Variants in EPHA3 observed in about 807,000 individuals in gnomAD.
The protein encoded by EPHA3 is ephrin type-A receptor 3.
Under a neutral mutation model 107.1 loss-of-function variants are expected in EPHA3, and 42 were observed. The ratio of observed to expected loss-of-function variants is 0.39; its 90% CI spans 0.31 to 0.51. The LOEUF is 0.51. Ranked by LOEUF, EPHA3 falls within the 20% of genes least tolerant of loss-of-function variation. EPHA3 has a pLI of 0.78. For missense variants in EPHA3, 1,183 were observed against 1,211.2 expected (o/e 0.98, Z 0.35); for synonymous variants, 461 against 424.8 (o/e 1.09, Z -1.05).
At chr3:89,155,865 A>G (rs1267008910) in intron 2 of EPHA3, among the ~76,000 whole-genome samples, 1 of 152,048 alleles carries the variant, frequency 6.6e-6, no homozygotes, top group Admixed American at 6.6e-5. Flanking sequence ...TATGTAGTTG[A>G]ACGTTGGGAA....
intron 5 of EPHA3, among the ~76,000 whole-genome samples, chr3:89,368,203 A>T (rs1476039051): frequency 6.6e-6 from 1 of 150,570 alleles, no homozygotes; most frequent in Non-Finnish European, 1.5e-5. Flanking sequence ...TTTTAAAAAA[A>T]TTATTATTTT....
chr3:89,258,445 C>T (rs1239951706), intron 3 of EPHA3, among the ~76,000 whole-genome samples: 1 of 152,076 alleles, frequency 6.6e-6, no homozygotes, highest in Non-Finnish European at 1.5e-5. Context: ...AGACAAATTT[C>T]CCTATTGTTA....
At chr3:89,379,854 T>C (rs1708466742) in intron 5 of EPHA3, among the ~76,000 whole-genome samples, 1 of 152,202 alleles carries the variant, frequency 6.6e-6, no homozygotes, top group African/African-American at 2.4e-5. Context: ...TCTGAGCTAA[T>C]TTCCAAAATC....
chr3:89,246,749 A>G (rs1705042492), intron 3 of EPHA3, among the ~76,000 whole-genome samples: 1 of 152,228 alleles, frequency 6.6e-6, no homozygotes, highest in Admixed American at 6.5e-5. Flanking sequence ...GAGTTGTTGT[A>G]AGAAGAATTC....
At chr3:89,401,728 C>T (rs1050991684) in intron 7 of EPHA3, among the ~76,000 whole-genome samples, 5 of 152,120 alleles carry the variant, frequency 3.3e-5, no homozygotes, top group Non-Finnish European at 5.9e-5. Context: ...CTGTTTCAGC[C>T]TCCCGAGTGG....
At chr3:89,400,044 CTT>C in intron 7 of EPHA3, 3 of 1,033,714 alleles carry the variant, frequency 2.9e-6, no homozygotes, top group Non-Finnish European at 3.5e-6. Flanking sequence ...TTTCCAGTAA[CTT>C]TTCTTTTTTT....
chr3:89,135,539 T>C (rs927941641), intron 2 of EPHA3, among the ~76,000 whole-genome samples: 1 of 152,128 alleles, frequency 6.6e-6, no homozygotes, highest in African/African-American at 2.4e-5. Flanking sequence ...TTGAAAATAA[T>C]TTGATGATTT....
chr3:89,466,725 C>T (rs1237940624), intron 15 of EPHA3, among the ~76,000 whole-genome samples: 1 of 135,464 alleles, frequency 7.4e-6, no homozygotes, highest in South Asian at 2.2e-4. Context: ...CCTGCGCCCA[C>T]TGTCTGGCAC....
At chr3:89,475,607 G>A (rs554413180) in intron 16 of EPHA3, among the ~76,000 whole-genome samples, 1 of 152,306 alleles carries the variant, frequency 6.6e-6, no homozygotes, top group South Asian at 2.1e-4. Context: ...AGGTTAAAGT[G>A]AGAAAGGAAG....
At position 89,481,140 on chromosome 3, in the gene EPHA3, C is replaced by G. The variant is rs919693607; in HGVS notation, c.*1638C>G. Reference sequence around the variant, plus strand: ...TGTCACTAGAATGGATAAAATAATGCTGCAAACTTAATGTTCTTATGCAAA... The same window carrying G: ...TGTCACTAGAATGGATAAAATAATGGTGCAAACTTAATGTTCTTATGCAAA... On this transcript the variant is annotated 3_prime_UTR_variant, in exon 17 of 17. Transcript: ENST00000336596. 1 of 231,980 alleles carries G rather than the reference C, an allele frequency of 4.3e-6. No individual in the cohort carries two copies. Among genetic ancestry groups the G allele is most frequent in the Non-Finnish European group, 8.5e-6 (1 of 117,430 alleles). 14.4% of individuals were successfully genotyped at this position (231,980 alleles called of 1,614,324 possible).
intron 13 of EPHA3, among the ~76,000 whole-genome samples, chr3:89,443,930 T>G (rs528613234): frequency 1.3e-3 from 196 of 152,094 alleles, no homozygotes; most frequent in African/African-American, 4.6e-3. Flanking sequence ...AAAAAAAGCC[T>G]CCCAAAAAGA....
At chr3:89,322,462 G>T (rs1707065517) in intron 3 of EPHA3, among the ~76,000 whole-genome samples, 1 of 152,044 alleles carries the variant, frequency 6.6e-6, no homozygotes, top group Middle Eastern at 3.2e-3. Flanking sequence ...CTTAGCGATG[G>T]TACTGTACTT....
At chr3:89,168,960 C>T (rs1262048199) in intron 2 of EPHA3, among the ~76,000 whole-genome samples, 1 of 149,678 alleles carries the variant, frequency 6.7e-6, no homozygotes. Flanking sequence ...ATATAAAGCT[C>T]CTCTTTTAAT....
chr3:89,144,476 G>A (rs1447637852), intron 2 of EPHA3, among the ~76,000 whole-genome samples: 5 of 151,680 alleles, frequency 3.3e-5, no homozygotes, highest in African/African-American at 1.2e-4. Flanking sequence ...TACTTATTGA[G>A]GTGTGCTTCT....
chr3:89,246,143 G>A (rs1705026692), intron 3 of EPHA3, among the ~76,000 whole-genome samples: 1 of 152,046 alleles, frequency 6.6e-6, no homozygotes, highest in Non-Finnish European at 1.5e-5. Context: ...TATGATATGT[G>A]ATAGTTAAAA....
intron 15 of EPHA3, among the ~76,000 whole-genome samples, chr3:89,454,209 C>T (rs1431875961): frequency 2.0e-5 from 3 of 152,048 alleles, no homozygotes; most frequent in Non-Finnish European, 4.4e-5. Context: ...CCTGCTGGCC[C>T]CACATCTCTG....
intron 3 of EPHA3, among the ~76,000 whole-genome samples, chr3:89,235,258 A>T (rs1465783911): frequency 4.6e-5 from 7 of 152,016 alleles, no homozygotes; most frequent in Admixed American, 1.3e-4. Flanking sequence ...CCTGACACTC[A>T]CTGATAGATT....
At chr3:89,213,252 C>T (rs1318219531) in intron 3 of EPHA3, among the ~76,000 whole-genome samples, 1 of 151,874 alleles carries the variant, frequency 6.6e-6, no homozygotes, top group Non-Finnish European at 1.5e-5. Context: ...GGGGAGACAC[C>T]AGAAATGTCT....
At chr3:89,448,474 A>T (rs1278820282) in intron 13 of EPHA3, among the ~76,000 whole-genome samples, 1 of 152,172 alleles carries the variant, frequency 6.6e-6, no homozygotes, top group Non-Finnish European at 1.5e-5. Context: ...GTACATCTTT[A>T]TTAAATGTAT....
Sources: allele counts gnomAD v4.1 joint callset (sites outside exome capture counted in the v4.1 genomes callset), GRCh38; gene constraint gnomAD v4.1.1; transcripts MANE v1.5; gene names NCBI Gene and HGNC (gene_info 2026-07-23, HGNC 2026-07-21).